LRRC37A3: variants seen among roughly 807,000 people sequenced by gnomAD.
The protein encoded by LRRC37A3 is leucine rich repeat containing 37 member A3.
In LRRC37A3, 25 loss-of-function variants were observed where a neutral mutation model predicts 106.2. The observed-to-expected ratio is 0.24, with a 90% CI of 0.17 to 0.33. The LOEUF (loss-of-function observed/expected upper bound fraction) is 0.33, where lower values mean the gene tolerates loss of function less well. Among genes scored for constraint, LRRC37A3 ranks in the 10% least tolerant of loss-of-function variants. The pLI is 1.00. For missense variants in LRRC37A3, 712 were observed against 1,644.9 expected (o/e 0.43, Z 9.81); for synonymous variants, 305 against 635.8 (o/e 0.48, Z 7.83).
At chr17:64,883,246 A>G (rs1298243423) in intron 8 of LRRC37A3, among the ~76,000 whole-genome samples, 2 of 152,168 alleles carry the variant, frequency 1.3e-5, no homozygotes, top group African/African-American at 4.8e-5. Flanking sequence ...GGGCCAGCAG[A>G]ATCCAGTTAA....
intron 10 of LRRC37A3, among the ~76,000 whole-genome samples, chr17:64,867,528 CATA>C (rs1261168896): frequency 6.6e-6 from 1 of 151,950 alleles, no homozygotes; most frequent in Non-Finnish European, 1.5e-5. Context: ...TATGAAATGA[CATA>C]ATGTTTGTAT....
intron 8 of LRRC37A3, among the ~76,000 whole-genome samples, chr17:64,880,355 C>T (rs564690270): frequency 5.9e-5 from 9 of 152,168 alleles, no homozygotes; most frequent in African/African-American, 1.9e-4. Flanking sequence ...ACTTTGTTGC[C>T]CAGGCTGAAC....
chr17:64,854,311 G>A lies in LRRC37A3; in HGVS notation c.*288C>T, dbSNP rs1306846337. ...CCAGGAGATGGGAGGTCCCCTGTGG[G>A]CAGGAGTTCAAGTATGTGGTATTAT... is the stretch of plus-strand genomic sequence containing the variant. On this transcript the variant is annotated 3_prime_UTR_variant, in exon 15 of 15. Transcript: ENST00000584306. The A allele has an allele frequency of 5.4e-5, 29 of 541,044 alleles. No homozygotes were observed. Among genetic ancestry groups the A allele is most frequent in the East Asian group, 4.0e-4 (12 of 30,344 alleles). 33.5% of individuals were successfully genotyped at this position (541,044 alleles called of 1,614,324 possible). A position where few individuals can be genotyped will look rare whatever the true frequency, so the allele number is the denominator to read the frequency against.
At chr17:64,872,733 A>G in intron 8 of LRRC37A3, among the ~76,000 whole-genome samples, 1 of 152,210 alleles carries the variant, frequency 6.6e-6, no homozygotes, top group Admixed American at 6.5e-5. Flanking sequence ...TATGCTTGGG[A>G]AACTAGAAGT....
chr17:64,875,465 A>T (rs916191137), intron 8 of LRRC37A3, among the ~76,000 whole-genome samples: 1 of 152,132 alleles, frequency 6.6e-6, no homozygotes, highest in South Asian at 2.1e-4. Flanking sequence ...CTGCCCTATA[A>T]GGAGTACTAA....
chr17:64,860,113 A>G lies in LRRC37A3; in HGVS notation c.4033T>C (p.Ser1345Pro). The change falls in exon 12 of 15, where the codon TCT becomes CCT. Residue 1345 changes from serine to proline, a missense_variant. Coordinates refer to ENST00000584306, the MANE Select transcript of LRRC37A3 (RefSeq NM_199340.5). ...RLMLSNRLPF[S>P]AAKSLINSPS... ...GAATTTATGAGGCTCTTCGCTGCAG[A>G]GAACGGAAGCCTGTTTGAGAGCATC... 6.2e-7 allele frequency: 1 copy of G among 1,614,000 alleles called. No homozygotes were observed.
Position 64,860,771 on chromosome 17 carries a change from A to G in LRRC37A3, c.3375T>C (p.Pro1125=). 1.2e-6 allele frequency: 2 copies of G among 1,614,178 alleles called. No individual in the cohort carries two copies. Among genetic ancestry groups the G allele is most frequent in the Non-Finnish European group, 1.7e-6 (2 of 1,180,006 alleles). ...CATCTAGGTTAACGGCTGAGAAATA[A>G]GGTAAGATGTAACTTAGTGTACTGG... ...DVTSTLSYIL[P]YFSAVNLDVK... is the part of the protein sequence containing the mutation. The change falls in exon 12 of 15, where the codon CCT becomes CCC. Residue 1125 remains proline (P), a synonymous_variant. Coordinates refer to ENST00000584306, the MANE Select transcript of LRRC37A3 (RefSeq NM_199340.5).
At chr17:64,875,220 C>T (rs1226877220) in intron 8 of LRRC37A3, among the ~76,000 whole-genome samples, 3 of 152,222 alleles carry the variant, frequency 2.0e-5, no homozygotes, top group Non-Finnish European at 4.4e-5. Context: ...GAGGCTGCAA[C>T]GATGTGAGTG....
At position 64,860,457 on chromosome 17, in the gene LRRC37A3, G is replaced by A; in HGVS notation, c.3689C>T (p.Ala1230Val). ...GGTGAACGAAGGCTTGGTGTAGACG[G>A]CGTTTCCCGCTAACTTCTCAGGCCC... ...QQGPEKLAGN[A>V]VYTKPSFTQE... Residue 1230 changes from alanine (A) to valine (V), a missense_variant, in exon 12 of 15, where the codon GCC becomes GTC. Transcript: ENST00000584306. 6.2e-7 allele frequency: 1 copy of A among 1,613,556 alleles called. No homozygotes were observed. Among genetic ancestry groups the A allele is most frequent in the Non-Finnish European group, 8.5e-7 (1 of 1,179,802 alleles).
intron 10 of LRRC37A3, among the ~76,000 whole-genome samples, chr17:64,867,546 C>A (rs898502638): frequency 6.6e-6 from 1 of 151,730 alleles, no homozygotes; most frequent in Non-Finnish European, 1.5e-5. Flanking sequence ...TTGTATACAG[C>A]CTCAGGTATA....
chr17:64,879,287 A>G (rs570980735), intron 8 of LRRC37A3, among the ~76,000 whole-genome samples: 2,822 of 152,148 alleles, frequency 0.019, 47 homozygotes, highest in South Asian at 0.029. Flanking sequence ...TATACTAACC[A>G]CCACTGAATT....
intron 2 of LRRC37A3, among the ~76,000 whole-genome samples, chr17:64,911,172 C>G (rs1472924821): frequency 6.6e-6 from 1 of 150,768 alleles, no homozygotes; most frequent in African/African-American, 2.4e-5. Flanking sequence ...GAGAAACAAC[C>G]GTTTGCATTT....
At chr17:64,857,045 T>C (rs1208293215) in intron 13 of LRRC37A3, among the ~76,000 whole-genome samples, 3 of 151,722 alleles carry the variant, frequency 2.0e-5, no homozygotes, top group Non-Finnish European at 4.4e-5. Flanking sequence ...AGAGTAGAAG[T>C]ATTGGAAAGG....
intron 10 of LRRC37A3, among the ~76,000 whole-genome samples, chr17:64,863,885 C>A (rs1181914641): frequency 3.3e-5 from 5 of 151,966 alleles, no homozygotes; most frequent in African/African-American, 1.2e-4. Flanking sequence ...CTCATTGCAG[C>A]CTCAACCCCC....
intron 11 of LRRC37A3, among the ~76,000 whole-genome samples, chr17:64,862,211 A>C (rs534587126): frequency 6.6e-6 from 1 of 152,328 alleles, no homozygotes; most frequent in South Asian, 2.1e-4. Context: ...TATTCAAGCT[A>C]TCTGGACATG....
rs570917391 is a variant in LRRC37A3 at position 64,870,370 on chromosome 17, C to T, written c.2907-1204G>A. 1.7e-4 allele frequency among the ~76,000 whole-genome samples: 26 copies of T among 152,128 alleles called. No individual in the cohort carries two copies. The South Asian group carries it at 5.4e-3, about 32-fold the overall frequency. Reference sequence around the variant, plus strand: ...TAAAATGAATAAATTGATTTTGATGCAAATTTTTATTCCAAAATGCTGGAA... The same window carrying T: ...TAAAATGAATAAATTGATTTTGATGTAAATTTTTATTCCAAAATGCTGGAA... On this transcript the variant is annotated intron_variant, in intron 8 of 14. Coordinates refer to ENST00000584306, the MANE Select transcript of LRRC37A3 (RefSeq NM_199340.5).
rs1291541315 is a variant in LRRC37A3, at chr17:64,854,558, T to C, written c.*41A>G. 3.1e-6 allele frequency: 5 copies of C among 1,613,662 alleles called. No homozygotes were observed. Among genetic ancestry groups the C allele is most frequent in the Admixed American group, 3.3e-5 (2 of 59,980 alleles). On this transcript the variant is annotated 3_prime_UTR_variant, in exon 15 of 15. Coordinates refer to ENST00000584306, the MANE Select transcript of LRRC37A3 (RefSeq NM_199340.5). ...TTTTTGATGGCCGTTGTTTACGCTA[T>C]GTATTTTTGCAGGAGGCCTGAGGTG...
Position 64,917,671 on chromosome 17 carries a change from T to C in LRRC37A3, c.-496+1079A>G, listed in dbSNP as rs556286359. On this transcript the variant is annotated intron_variant, in intron 2 of 14. Coordinates refer to ENST00000584306, the MANE Select transcript of LRRC37A3 (RefSeq NM_199340.5). ...TAAACTAAAAAATTAAAATACCTAT[T>C]TAAAAGTCAAACAGGCCGGGCGCGA... 3.9e-5 allele frequency among the ~76,000 whole-genome samples: 6 copies of C among 152,098 alleles called. No homozygotes were observed. The East Asian group carries it at 1.2e-3, about 29-fold the overall frequency.
chr17:64,869,438 G>T (rs1265660108), intron 8 of LRRC37A3, among the ~76,000 whole-genome samples: 3 of 151,760 alleles, frequency 2.0e-5, no homozygotes, highest in Non-Finnish European at 2.9e-5. Flanking sequence ...AACTTTTCAG[G>T]TCAAAAACCC....
Sources: gnomAD v4.1 joint callset for allele counts (sites outside exome capture counted in the v4.1 genomes callset) on GRCh38, gnomAD v4.1.1 for gene constraint, MANE v1.5 for transcripts, NCBI Gene and HGNC (gene_info 2026-07-23, HGNC 2026-07-21) for gene names.